RAD51B: variants seen among roughly 807,000 people sequenced by gnomAD.
RAD51B encodes DNA repair protein RAD51 homolog 2.
RAD51B carries 38 observed loss-of-function variants against 42.2 expected under a neutral mutation model. The ratio of observed to expected loss-of-function variants is 0.90; its 90% CI spans 0.70 to 1.18. RAD51B has a LOEUF of 1.18. Among genes scored for constraint, RAD51B ranks in the 50% most tolerant of loss-of-function variants. The pLI, the probability that RAD51B is intolerant of heterozygous loss-of-function variation, is 0.00. For missense variants in RAD51B, 373 were observed against 400.7 expected, an observed-to-expected ratio of 0.93 and a Z score of 0.59; for synonymous variants, 154 against 145.2, an observed-to-expected ratio of 1.06 and a Z score of -0.43.
At chr14:67,827,463 G>GT (rs5809365) in intron 3 of RAD51B, among the ~76,000 whole-genome samples, 48,797 of 148,374 alleles carry the variant, frequency 0.33, 8,172 homozygotes, top group Middle Eastern at 0.46. Flanking sequence ...CACTGGCTTA[G>GT]TTTTTTTTTT....
intron 7 of RAD51B, among the ~76,000 whole-genome samples, chr14:67,964,450 GA>G (rs2074728427): frequency 6.6e-6 from 1 of 152,152 alleles, no homozygotes; most frequent in South Asian, 2.1e-4. Flanking sequence ...AAGGGGAAGG[GA>G]ATATTGTTTC....
At chr14:68,256,525 C>T (rs1394534804) in intron 7 of RAD51B, among the ~76,000 whole-genome samples, 1 of 152,156 alleles carries the variant, frequency 6.6e-6, no homozygotes, top group Non-Finnish European at 1.5e-5. Context: ...AGACTCATTC[C>T]AGTGGATCCC....
At chr14:68,074,378 A>C (rs2076800144) in intron 7 of RAD51B, among the ~76,000 whole-genome samples, 1 of 151,878 alleles carries the variant, frequency 6.6e-6, no homozygotes, top group Non-Finnish European at 1.5e-5. Flanking sequence ...TTATCATCTC[A>C]GTTTGTTTCT....
intron 9 of RAD51B, among the ~76,000 whole-genome samples, chr14:68,451,011 G>C (rs1359503447): frequency 2.6e-5 from 4 of 152,128 alleles, no homozygotes; most frequent in Non-Finnish European, 4.4e-5. Flanking sequence ...ATATTGGACA[G>C]TTTTTGACTC....
At chr14:67,843,822 A>AT (rs1215500790) in intron 4 of RAD51B, among the ~76,000 whole-genome samples, 127 of 134,232 alleles carry the variant, frequency 9.5e-4, no homozygotes, top group Non-Finnish European at 9.8e-4. Context: ...CTTTTTAATT[A>AT]TTTTTTTTTT....
At chr14:68,112,260 C>T (rs2077471536) in intron 7 of RAD51B, among the ~76,000 whole-genome samples, 1 of 152,006 alleles carries the variant, frequency 6.6e-6, no homozygotes, top group South Asian at 2.1e-4. Context: ...TTTATGTTTT[C>T]AGCCCTATTT....
At chr14:67,946,303 G>T (rs1484435255) in intron 7 of RAD51B, among the ~76,000 whole-genome samples, 1 of 152,118 alleles carries the variant, frequency 6.6e-6, no homozygotes, top group Admixed American at 6.5e-5. Context: ...AATAGCTAAA[G>T]AAATTAATTT....
At chr14:68,325,934 A>G (rs1472775896) in intron 8 of RAD51B, among the ~76,000 whole-genome samples, 1 of 152,126 alleles carries the variant, frequency 6.6e-6, no homozygotes, top group Non-Finnish European at 1.5e-5. Context: ...GGGAATGGAA[A>G]AATGGTAAGA....
At chr14:68,316,539 G>A (rs1452462195) in intron 8 of RAD51B, among the ~76,000 whole-genome samples, 1 of 152,164 alleles carries the variant, frequency 6.6e-6, no homozygotes, top group Non-Finnish European at 1.5e-5. Flanking sequence ...ACCTGTGGGT[G>A]GGCCCTCTTC....
At chr14:68,224,707 T>G (rs2080000277) in intron 7 of RAD51B, among the ~76,000 whole-genome samples, 1 of 152,164 alleles carries the variant, frequency 6.6e-6, no homozygotes, top group South Asian at 2.1e-4. Flanking sequence ...ATTCTTTTTT[T>G]TTTGAGAAGG....
At chr14:68,529,944 TAAA>T (rs775492997) in intron 10 of RAD51B, among the ~76,000 whole-genome samples, 10 of 151,874 alleles carry the variant, frequency 6.6e-5, no homozygotes, top group Non-Finnish European at 1.2e-4. Context: ...AAGAATGAAT[TAAA>T]AAGATAAAAT....
chr14:68,628,278 G>C (rs1478808517), intron 10 of RAD51B: 3 of 152,254 alleles, frequency 2.0e-5, no homozygotes, highest in Non-Finnish European at 4.4e-5. Context: ...GCAGCCAGCA[G>C]ACTAGAGCCA....
chr14:68,669,787 C>T (rs1016172967), intron 11 of RAD51B, among the ~76,000 whole-genome samples: 4 of 152,160 alleles, frequency 2.6e-5, no homozygotes, highest in Non-Finnish European at 4.4e-5. Context: ...GTAACAACTC[C>T]AGAGCTAAAG....
intron 7 of RAD51B, among the ~76,000 whole-genome samples, chr14:67,896,843 A>G (rs1032358920): frequency 2.0e-5 from 3 of 152,320 alleles, no homozygotes; most frequent in South Asian, 2.1e-4. Context: ...ATACTTTCTG[A>G]TAAGAAAATA....
chr14:68,152,264 C>G (rs1298358921), intron 7 of RAD51B, among the ~76,000 whole-genome samples: 1 of 152,148 alleles, frequency 6.6e-6, no homozygotes, highest in East Asian at 1.9e-4. Context: ...TCTTCCTCCC[C>G]ATGGAAATGT....
At chr14:67,892,727 A>G (rs894917409) in intron 7 of RAD51B, among the ~76,000 whole-genome samples, 19 of 152,206 alleles carry the variant, frequency 1.2e-4, no homozygotes, top group African/African-American at 2.9e-4. Context: ...GGGGACTACA[A>G]TCTAAATAGC....
chr14:68,665,722 G>C (rs1397542479), intron 11 of RAD51B, among the ~76,000 whole-genome samples: 1 of 152,300 alleles, frequency 6.6e-6, no homozygotes, highest in South Asian at 2.1e-4. Context: ...CGAATGGCTA[G>C]ATTATGAATG....
chr14:68,406,285 T>A (rs900122192), intron 8 of RAD51B, among the ~76,000 whole-genome samples: 1 of 152,194 alleles, frequency 6.6e-6, no homozygotes, highest in Non-Finnish European at 1.5e-5. Flanking sequence ...CATCATAGAA[T>A]GTATTTACAC....
rs575023802 is a variant in RAD51B, at chr14:68,293,217, G to GT, written c.853+1245dup. 2.9e-3 allele frequency among the ~76,000 whole-genome samples: 444 copies of GT among 151,928 alleles called. 2 individuals are homozygous for GT. The highest frequency in any genetic ancestry group is 0.01 in the African/African-American group (422 of 41,418). ...TCTCCTACTCAGAAATCTTAGAATA[G>GT]TTTTTTTTGTTTGTTTCTTTTTTGT... On this transcript the variant is annotated intron_variant, in intron 8 of 10. Coordinates refer to ENST00000471583, the MANE Select transcript of RAD51B (RefSeq NM_133510.4).
Sources: allele counts gnomAD v4.1 joint callset (sites outside exome capture counted in the v4.1 genomes callset), GRCh38; gene constraint gnomAD v4.1.1; transcripts MANE v1.5; gene names NCBI Gene and HGNC (gene_info 2026-07-23, HGNC 2026-07-21).